Variants in TMEM178B observed in about 807,000 individuals in gnomAD.
TMEM178B encodes transmembrane protein 178B.
In TMEM178B, 5 loss-of-function variants were observed where a neutral mutation model predicts 31.0. The ratio of observed to expected loss-of-function variants is 0.16; its 90% CI spans 0.08 to 0.34. TMEM178B has a LOEUF of 0.34. TMEM178B is among the 10% of genes least tolerant of loss of function. The pLI is 1.00. For missense variants in TMEM178B, 275 were observed against 400.3 expected (o/e 0.69, Z 2.67); for synonymous variants, 164 against 164.0 (o/e 1.00, Z 0.00).
At chr7:141,470,491 T>C in intron 3 of TMEM178B, 45 bp from the exon 4 acceptor site, 1 of 1,437,556 alleles carries the variant, frequency 7.0e-7, no homozygotes, top group Non-Finnish European at 9.1e-7. Flanking sequence ...CTCTCCCCTT[T>C]CCTTCTCCAT....
intron 2 of TMEM178B, among the ~76,000 whole-genome samples, chr7:141,220,682 G>T (rs1797243782): frequency 6.6e-6 from 1 of 152,210 alleles, no homozygotes; most frequent in Non-Finnish European, 1.5e-5. Context: ...CCAATTTTGT[G>T]CTGGGAATTA....
In TMEM178B at chr7:141,346,004, C is replaced by T. The variant is rs201027349; in HGVS notation, c.497-91604C>T. 7.2e-5 allele frequency among the ~76,000 whole-genome samples: 11 copies of T among 152,134 alleles called. No homozygotes were observed. The East Asian group carries it at 1.2e-3, about 16-fold the overall frequency. On this transcript the variant is annotated intron_variant, in intron 2 of 3. Transcript: ENST00000565468. Reference sequence around the variant, plus strand: ...ATCCTAGTACTTTGGGAGGCTGAGGCGGGCGGATCACGAGAGACCATCCTG... The same window carrying T: ...ATCCTAGTACTTTGGGAGGCTGAGGTGGGCGGATCACGAGAGACCATCCTG...
chr7:141,208,534 T>C (rs1671371546), intron 1 of TMEM178B, among the ~76,000 whole-genome samples: 1 of 152,250 alleles, frequency 6.6e-6, no homozygotes, highest in South Asian at 2.1e-4. Context: ...TTTTAGGCAA[T>C]ATTTGAATCT....
At chr7:141,097,793 C>CT (rs552569756) in intron 1 of TMEM178B, among the ~76,000 whole-genome samples, 2,762 of 125,874 alleles carry the variant, frequency 0.022, 104 homozygotes, top group African/African-American at 0.066. Flanking sequence ...TTCTTTCTTT[C>CT]TTTTTTTTTT....
At chr7:141,292,791 C>T (rs1586874960) in intron 2 of TMEM178B, among the ~76,000 whole-genome samples, 1 of 152,048 alleles carries the variant, frequency 6.6e-6, no homozygotes, top group Admixed American at 6.5e-5. Flanking sequence ...GTGTGCACCA[C>T]CATGCCCGGC....
chr7:141,186,939 A>T (rs1478637360), intron 1 of TMEM178B, among the ~76,000 whole-genome samples: 2 of 151,930 alleles, frequency 1.3e-5, no homozygotes, highest in Non-Finnish European at 2.9e-5. Context: ...TGCTTTTTTT[A>T]AAAATTTTAT....
chr7:141,330,743 C>A lies in TMEM178B; in HGVS notation c.497-106865C>A, dbSNP rs796135960. Among the ~76,000 whole-genome samples, 5 of 152,234 alleles carry A rather than the reference C, an allele frequency of 3.3e-5. 1 individual carries two copies. The highest frequency in any genetic ancestry group is 1.2e-4 in the African/African-American group (5 of 41,556). ...CTTTGCAAAGAAGAATGATGTGATCCAACTTGTACTTTTAACAGGATCACT... is the reference window on the plus strand; with the variant it reads ...CTTTGCAAAGAAGAATGATGTGATCAAACTTGTACTTTTAACAGGATCACT... On this transcript the variant is annotated intron_variant, in intron 2 of 3. Coordinates refer to ENST00000565468, the MANE Select transcript of TMEM178B (RefSeq NM_001195278.2).
chr7:141,488,098 T>G, the TMEM178B span, among the ~76,000 whole-genome samples: 16 of 152,062 alleles, frequency 1.1e-4, no homozygotes, highest in African/African-American at 3.9e-4. Context: ...AAAACTTTGA[T>G]AATCTATATC....
At chr7:141,130,031 G>T (rs1262376126) in intron 1 of TMEM178B, among the ~76,000 whole-genome samples, 2 of 152,114 alleles carry the variant, frequency 1.3e-5, no homozygotes, top group African/African-American at 2.4e-5. Flanking sequence ...ATAGATGACC[G>T]ATGTTTCCTA....
At chr7:141,189,323 A>T (rs1277812759) in intron 1 of TMEM178B, among the ~76,000 whole-genome samples, 1 of 152,218 alleles carries the variant, frequency 6.6e-6, no homozygotes, top group South Asian at 2.1e-4. Flanking sequence ...CCCAGAGTAG[A>T]GGAAACCCTT....
At chr7:141,494,107 CT>C in the TMEM178B span, among the ~76,000 whole-genome samples, 1 of 152,158 alleles carries the variant, frequency 6.6e-6, no homozygotes, top group Non-Finnish European at 1.5e-5. Flanking sequence ...AAAACAAATA[CT>C]ATATTAAGAT....
chr7:141,446,656 C>T (rs1801763434), intron 3 of TMEM178B, among the ~76,000 whole-genome samples: 2 of 152,082 alleles, frequency 1.3e-5, no homozygotes, highest in South Asian at 4.2e-4. Context: ...AGTCCAGGAC[C>T]AAAAGAGTCT....
chr7:141,127,491 A>G (rs1563094770), intron 1 of TMEM178B, among the ~76,000 whole-genome samples: 1 of 152,214 alleles, frequency 6.6e-6, no homozygotes, highest in Non-Finnish European at 1.5e-5. Context: ...AAGTACAGAG[A>G]CACACAGAGG....
intron 1 of TMEM178B, among the ~76,000 whole-genome samples, chr7:141,133,495 A>G (rs547667944): frequency 4.9e-4 from 74 of 152,222 alleles, no homozygotes; most frequent in African/African-American, 1.7e-3. Flanking sequence ...CAGAAGAAAG[A>G]TTTTCTGTTC....
intron 2 of TMEM178B, among the ~76,000 whole-genome samples, chr7:141,282,775 T>C (rs537554209): frequency 6.6e-6 from 1 of 152,304 alleles, no homozygotes; most frequent in East Asian, 1.9e-4. Flanking sequence ...ATTCAGCAAA[T>C]GAACACTTGA....
chr7:141,493,906 C>T, the TMEM178B span, among the ~76,000 whole-genome samples: 2 of 152,138 alleles, frequency 1.3e-5, no homozygotes, highest in African/African-American at 2.4e-5. Flanking sequence ...AGCCTCATTT[C>T]TCTGATAAAA....
chr7:141,096,349 C>T (rs1794960588), intron 1 of TMEM178B, among the ~76,000 whole-genome samples: 1 of 152,194 alleles, frequency 6.6e-6, no homozygotes, highest in South Asian at 2.1e-4. Flanking sequence ...GTATATTCCA[C>T]TTCCATGTCT....
chr7:141,489,433 C>T, the TMEM178B span, among the ~76,000 whole-genome samples: 1 of 152,320 alleles, frequency 6.6e-6, no homozygotes, highest in African/African-American at 2.4e-5. Context: ...TAATGAATTT[C>T]CTTATCAGAG....
chr7:141,098,944 A>AT (rs1204716238), intron 1 of TMEM178B, among the ~76,000 whole-genome samples: 1 of 152,196 alleles, frequency 6.6e-6, no homozygotes, highest in African/African-American at 2.4e-5. Flanking sequence ...CATCTCGGCC[A>AT]TTGTTATTTA....
Sources: allele counts gnomAD v4.1 joint callset (sites outside exome capture counted in the v4.1 genomes callset), GRCh38; gene constraint gnomAD v4.1.1; transcripts MANE v1.5; gene names NCBI Gene and HGNC (gene_info 2026-07-23, HGNC 2026-07-21).